The following LRRC4C variants were observed in gnomAD, a reference collection of about 807,000 sequenced individuals.
LRRC4C encodes the protein leucine rich repeat containing 4C.
In LRRC4C, 5 loss-of-function variants were observed where a neutral mutation model predicts 33.6. The observed-to-expected ratio is 0.15, with a 90% CI of 0.08 to 0.31. The LOEUF (loss-of-function observed/expected upper bound fraction) is 0.31, where lower values mean the gene tolerates loss of function less well. LRRC4C is among the 10% of genes least tolerant of loss of function. The pLI is 1.00. For synonymous variants in LRRC4C, 329 were observed against 302.0 expected (o/e 1.09, Z -0.93); for missense variants, 560 against 796.7 (o/e 0.70, Z 3.58).
At chr11:40,970,715 T>C (rs1010021647) in intron 1 of LRRC4C, among the ~76,000 whole-genome samples, 4 of 152,154 alleles carry the variant, frequency 2.6e-5, no homozygotes, top group African/African-American at 9.7e-5. Flanking sequence ...TAGAGCCTTG[T>C]TAAACTGCTG....
At chr11:40,856,641 A>AT (rs903995575) in intron 2 of LRRC4C, among the ~76,000 whole-genome samples, 13 of 152,302 alleles carry the variant, frequency 8.5e-5, no homozygotes, top group African/African-American at 1.2e-4. Context: ...GAAGCAGCAT[A>AT]TTTTTTTGCT....
chr11:40,617,700 A>T (rs1372996840), intron 3 of LRRC4C, among the ~76,000 whole-genome samples: 2 of 151,724 alleles, frequency 1.3e-5, no homozygotes, highest in Admixed American at 1.3e-4. Context: ...ATATTTCTGA[A>T]TTTGGTATTC....
rs553682813 is a variant in LRRC4C at position 40,394,004 on chromosome 11, A to G, written c.-269-74283T>C. Among the ~76,000 whole-genome samples the G allele has an allele frequency of 2.6e-5, 4 of 152,206 alleles. No individual in the cohort carries two copies. In the East Asian group the frequency reaches 7.7e-4, roughly 29 times the overall value. ...TTTGTATTTTAAATTGTCTGACAGTAGGCAAGACCATGAAGAGTAAGAAGG... is the reference window on the plus strand; with the variant it reads ...TTTGTATTTTAAATTGTCTGACAGTGGGCAAGACCATGAAGAGTAAGAAGG... On this transcript the variant is annotated intron_variant, in intron 3 of 6. Transcript: ENST00000528697.
At chr11:41,077,080 C>A (rs773800148) in intron 1 of LRRC4C, among the ~76,000 whole-genome samples, 1 of 152,206 alleles carries the variant, frequency 6.6e-6, no homozygotes, top group African/African-American at 2.4e-5. Context: ...GGCTCACATG[C>A]CCTTGTGCAG....
intron 1 of LRRC4C, among the ~76,000 whole-genome samples, chr11:41,214,382 A>G (rs1248931246): frequency 1.3e-5 from 2 of 151,996 alleles, no homozygotes; most frequent in Admixed American, 6.6e-5. Context: ...TGGTTCTTAA[A>G]CAATAAAAAT....
At chr11:40,740,467 C>T (rs1310115106) in intron 2 of LRRC4C, among the ~76,000 whole-genome samples, 1 of 151,680 alleles carries the variant, frequency 6.6e-6, no homozygotes, top group African/African-American at 2.4e-5. Flanking sequence ...CAATTCATGT[C>T]CTTTTTCCAT....
At chr11:40,776,276 T>C (rs1949990963) in intron 2 of LRRC4C, among the ~76,000 whole-genome samples, 1 of 33,702 alleles carries the variant, frequency 3.0e-5, no homozygotes, top group Non-Finnish European at 8.1e-5. Flanking sequence ...ATTTTTCTCT[T>C]TTTTTTTTTG....
At chr11:41,192,928 A>C (rs1202320283) in intron 1 of LRRC4C, among the ~76,000 whole-genome samples, 6 of 152,096 alleles carry the variant, frequency 3.9e-5, no homozygotes, top group Admixed American at 3.9e-4. Context: ...AAGGGAGAAG[A>C]ATATCTGCCT....
chr11:40,266,937 A>T (rs1590863403), intron 4 of LRRC4C, among the ~76,000 whole-genome samples: 1 of 141,340 alleles, frequency 7.1e-6, no homozygotes, highest in South Asian at 2.3e-4. Flanking sequence ...AACACACACC[A>T]CACCCACCCA....
chr11:40,730,051 A>G (rs1285053232), intron 2 of LRRC4C, among the ~76,000 whole-genome samples: 2 of 151,872 alleles, frequency 1.3e-5, no homozygotes, highest in African/African-American at 4.8e-5. Flanking sequence ...TGGGAATTGA[A>G]CAGTGAGATC....
intron 2 of LRRC4C, among the ~76,000 whole-genome samples, chr11:40,805,507 T>G (rs1198978940): frequency 6.6e-6 from 1 of 152,204 alleles, no homozygotes; most frequent in African/African-American, 2.4e-5. Flanking sequence ...TTTATGCAGT[T>G]CTGAGACTAT....
chr11:40,197,788 G>A (rs1445244764), intron 5 of LRRC4C, among the ~76,000 whole-genome samples: 1 of 152,004 alleles, frequency 6.6e-6, no homozygotes, highest in East Asian at 1.9e-4. Context: ...CAAGTGTCAG[G>A]GGAACAAAAG....
chr11:41,199,747 G>A (rs1389865355), intron 1 of LRRC4C, among the ~76,000 whole-genome samples: 2 of 152,064 alleles, frequency 1.3e-5, no homozygotes, highest in African/African-American at 4.8e-5. Flanking sequence ...AAGACACCAA[G>A]GGAGTCCCAA....
chr11:41,163,581 G>T (rs1944580528), intron 1 of LRRC4C, among the ~76,000 whole-genome samples: 1 of 150,824 alleles, frequency 6.6e-6, no homozygotes, highest in Non-Finnish European at 1.5e-5. Context: ...ACCACACCTG[G>T]CAAGTTTACT....
intron 1 of LRRC4C, among the ~76,000 whole-genome samples, chr11:41,403,638 T>G (rs548808538): frequency 5.3e-5 from 8 of 152,096 alleles, no homozygotes; most frequent in Admixed American, 1.3e-4. Context: ...AAATTTGGGT[T>G]GCCGACAAAA....
intron 1 of LRRC4C, among the ~76,000 whole-genome samples, chr11:41,199,414 T>C (rs1231077012): frequency 6.6e-6 from 1 of 152,100 alleles, no homozygotes; most frequent in African/African-American, 2.4e-5. Flanking sequence ...AACAGTTTTC[T>C]GTAATATGAT....
At chr11:40,286,785 C>G (rs1476192856) in intron 4 of LRRC4C, among the ~76,000 whole-genome samples, 1 of 152,020 alleles carries the variant, frequency 6.6e-6, no homozygotes, top group African/African-American at 2.4e-5. Context: ...GGTTAATTGA[C>G]AAATTTAGGG....
At chr11:40,865,888 A>G (rs947875382) in intron 2 of LRRC4C, among the ~76,000 whole-genome samples, 3 of 152,002 alleles carry the variant, frequency 2.0e-5, no homozygotes, top group Non-Finnish European at 4.4e-5. Flanking sequence ...TAATAACATA[A>G]GCACTTTTCC....
intron 4 of LRRC4C, among the ~76,000 whole-genome samples, chr11:40,316,086 A>C (rs967278775): frequency 1.3e-5 from 2 of 152,088 alleles, no homozygotes; most frequent in Admixed American, 1.3e-4. Flanking sequence ...AGAAAACCCA[A>C]ACTGGAAAAA....
Sources: allele counts gnomAD v4.1 joint callset (sites outside exome capture counted in the v4.1 genomes callset), GRCh38; gene constraint gnomAD v4.1.1; transcripts MANE v1.5; gene names NCBI Gene and HGNC (gene_info 2026-07-23, HGNC 2026-07-21).